Variants in CDKN2B-AS1 observed in about 807,000 individuals in gnomAD.
CDKN2B-AS1 encodes CDKN2B antisense RNA 1 (non-protein coding).
intron 1 of CDKN2B-AS1, among the ~76,000 whole-genome samples, chr9:22,022,857 A>G (rs1822070308): frequency 6.6e-6 from 1 of 152,162 alleles, no homozygotes; most frequent in African/African-American, 2.4e-5. Flanking sequence ...CTTGTCTGCA[A>G]AGGATCTTAT....
Position 22,009,251 on chromosome 9 carries a change from G to A in CDKN2B-AS1, n.29+14090G>A. 3 of 546,472 alleles carry A rather than the reference G, an allele frequency of 5.5e-6. No homozygotes were observed. The South Asian group carries it at 6.1e-5, about 11-fold the overall frequency. The allele number at this position is 546,472 out of a possible 1,614,324, so 33.9% of individuals were successfully genotyped here. ...AGCCGAGCTCAAAGCCGCTCTGGCC[G>A]CAGGGTGCGGACGCGTCGCGGAGTC... On this transcript the variant is annotated intron_variant and non_coding_transcript_variant, in intron 1 of 4. Transcript: ENST00000650946.
At chr9:22,098,217 T>C (rs1052656990) in intron 4 of CDKN2B-AS1, among the ~76,000 whole-genome samples, 3 of 151,564 alleles carry the variant, frequency 2.0e-5, no homozygotes, top group Non-Finnish European at 2.9e-5. Context: ...ATATTATATA[T>C]GTGTATATTT....
chr9:22,087,535 T>C (rs1167506311), intron 4 of CDKN2B-AS1, among the ~76,000 whole-genome samples: 7 of 152,214 alleles, frequency 4.6e-5, no homozygotes, highest in Non-Finnish European at 8.8e-5. Flanking sequence ...TCACAGTTTA[T>C]GCTTATTTTT....
At chr9:22,013,490 C>T (rs1030106462) in intron 1 of CDKN2B-AS1, among the ~76,000 whole-genome samples, 4 of 152,174 alleles carry the variant, frequency 2.6e-5, no homozygotes, top group African/African-American at 7.2e-5. Flanking sequence ...TTCACCTTGT[C>T]GACCAGGCTG....
intron 4 of CDKN2B-AS1, among the ~76,000 whole-genome samples, chr9:22,110,110 G>A (rs1467302674): frequency 6.6e-6 from 1 of 152,112 alleles, no homozygotes; most frequent in Non-Finnish European, 1.5e-5. Flanking sequence ...ATTATTTTAT[G>A]AATAGACCCT....
chr9:22,038,432 T>C (rs1226891178), intron 1 of CDKN2B-AS1, among the ~76,000 whole-genome samples: 2 of 152,038 alleles, frequency 1.3e-5, no homozygotes, highest in African/African-American at 4.8e-5. Context: ...GTTCAAGATT[T>C]ATGAGCTCAA....
chr9:22,008,301 G>A (rs1821294496), intron 1 of CDKN2B-AS1, among the ~76,000 whole-genome samples: 2 of 152,132 alleles, frequency 1.3e-5, no homozygotes, highest in African/African-American at 4.8e-5. Context: ...TAAGTACTGT[G>A]GTTGAGGAAT....
At chr9:22,008,244 T>G (rs1042552854) in intron 1 of CDKN2B-AS1, among the ~76,000 whole-genome samples, 1 of 152,190 alleles carries the variant, frequency 6.6e-6, no homozygotes, top group Non-Finnish European at 1.5e-5. Context: ...ACTATATATT[T>G]TTTCTCTTAT....
intron 1 of CDKN2B-AS1, among the ~76,000 whole-genome samples, chr9:22,018,229 CAGG>C (rs1821861889): frequency 6.7e-6 from 1 of 149,502 alleles, no homozygotes; most frequent in African/African-American, 2.5e-5. Flanking sequence ...GAGGCTGAGG[CAGG>C]AGAATTGCTT....
chr9:22,056,108 A>G lies in CDKN2B-AS1; in HGVS notation n.303-144A>G, dbSNP rs1045147725. ...CGTCTGGGCTGGAGTGCAGTGGTGC[A>G]ATCTCACCTCCCGGGTTCAAGTGAC... is the stretch of plus-strand genomic sequence containing the variant. On this transcript the variant is annotated intron_variant and non_coding_transcript_variant, in intron 3 of 4. Transcript: ENST00000650946. 5 of 147,774 alleles carry G rather than the reference A, an allele frequency of 3.4e-5. No individual in the cohort carries two copies. In the South Asian group the frequency reaches 1.1e-3, roughly 32 times the overall value. The allele number at this position is 147,774 out of a possible 1,614,324, so 9.2% of individuals were successfully genotyped here.
chr9:22,023,581 A>C (rs1347247014), intron 1 of CDKN2B-AS1, among the ~76,000 whole-genome samples: 1 of 145,116 alleles, frequency 6.9e-6, no homozygotes, highest in Admixed American at 6.9e-5. Context: ...TAAAAATACC[A>C]AAAAAAAAAA....
chr9:22,010,878 A>T (rs1821465303), intron 1 of CDKN2B-AS1, among the ~76,000 whole-genome samples: 1 of 152,228 alleles, frequency 6.6e-6, no homozygotes, highest in African/African-American at 2.4e-5. Context: ...TTAGGTAGTA[A>T]ATATGTCAGA....
rs1184780451 is a variant in CDKN2B-AS1, at chr9:22,039,987, A to G, written n.30-6764A>G. Among the ~76,000 whole-genome samples the G allele has an allele frequency of 6.6e-6, 1 of 152,048 alleles. No individual in the cohort carries two copies. Among genetic ancestry groups the G allele is most frequent in the Non-Finnish European group, 1.5e-5 (1 of 67,960 alleles). On this transcript the variant is annotated intron_variant and non_coding_transcript_variant, in intron 1 of 4. Coordinates refer to ENST00000650946, the Ensembl canonical transcript of CDKN2B-AS1. The surrounding 1 kb of genome is among the most constrained non-coding windows in gnomAD (Gnocchi z 4.4). ...CATGCACTGGGAGAATGCTCTCTGA[A>G]GACTGGAGTTATGCTGCTAAAAGTC...
Position 22,108,946 on chromosome 9 carries a change from A to T in CDKN2B-AS1, n.439-18157A>T, listed in dbSNP as rs182228814. Among the ~76,000 whole-genome samples, 756 of 150,768 alleles carry T rather than the reference A, an allele frequency of 5.0e-3. 5 individuals are homozygous for T. The highest frequency in any genetic ancestry group is 0.018 in the African/African-American group (722 of 40,312). Reference sequence around the variant, plus strand: ...AACCAAAAACAAAACAAAACAAAATAAAAAAAACCCCAAAACTGAAAGATG... The same window carrying T: ...AACCAAAAACAAAACAAAACAAAATTAAAAAAACCCCAAAACTGAAAGATG... On this transcript the variant is annotated intron_variant and non_coding_transcript_variant, in intron 4 of 4. Transcript: ENST00000650946.
chr9:22,041,109 T>C (rs1422360418), intron 1 of CDKN2B-AS1, among the ~76,000 whole-genome samples: 1 of 151,990 alleles, frequency 6.6e-6, no homozygotes, highest in African/African-American at 2.4e-5. Context: ...AGAAAACAAA[T>C]GTACCAGAAA....
chr9:22,026,543 G>A lies in CDKN2B-AS1; in HGVS notation n.30-20208G>A, dbSNP rs529672112. On this transcript the variant is annotated intron_variant and non_coding_transcript_variant, in intron 1 of 4. Coordinates refer to ENST00000650946, the Ensembl canonical transcript of CDKN2B-AS1. ...CTTTGTACCAGGGAGGCACAATGTT[G>A]CTACTGGTGGCTAGCTGGAATTCCA... 5.3e-5 allele frequency among the ~76,000 whole-genome samples: 8 copies of A among 152,338 alleles called. No individual in the cohort carries two copies. In the South Asian group the frequency reaches 1.7e-3, roughly 32 times the overall value.
At chr9:22,070,721 T>C (rs994422861) in intron 4 of CDKN2B-AS1, among the ~76,000 whole-genome samples, 1 of 152,166 alleles carries the variant, frequency 6.6e-6, no homozygotes, top group African/African-American at 2.4e-5. Flanking sequence ...GCCATGACAG[T>C]AGTGTAACAA....
chr9:22,074,456 C>G (rs1824416310), intron 4 of CDKN2B-AS1, among the ~76,000 whole-genome samples: 1 of 152,144 alleles, frequency 6.6e-6, no homozygotes, highest in Non-Finnish European at 1.5e-5. Flanking sequence ...GTAGGGAGTA[C>G]TTCAGAGATG....
At chr9:22,018,747 C>T (rs947941342) in intron 1 of CDKN2B-AS1, among the ~76,000 whole-genome samples, 3 of 152,230 alleles carry the variant, frequency 2.0e-5, no homozygotes, top group African/African-American at 7.2e-5. Flanking sequence ...ACTTCATCTA[C>T]ATTTTTAGCA....
Sources: gnomAD v4.1 joint callset for allele counts (sites outside exome capture counted in the v4.1 genomes callset) on GRCh38, gnomAD v4.1.1 for gene constraint, Gnocchi (gnomAD v3.1) non-coding constraint, MANE v1.5 for transcripts, NCBI Gene and HGNC (gene_info 2026-07-23, HGNC 2026-07-21) for gene names.